Variants in MEOX2 observed in about 807,000 individuals in gnomAD.
MEOX2 encodes the protein mesenchyme homeobox 2, also known as homeobox protein MOX-2.
MEOX2 carries 11 observed loss-of-function variants against 27.0 expected under a neutral mutation model. The observed-to-expected ratio is 0.41, with a 90% CI of 0.26 to 0.68. The LOEUF is 0.68. Ranked by LOEUF, MEOX2 falls within the 30% of genes least tolerant of loss-of-function variation. The pLI is 0.33. For synonymous variants in MEOX2, 189 were observed against 155.4 expected, an observed-to-expected ratio of 1.22 and a Z score of -1.61; for missense variants, 436 against 385.4, an observed-to-expected ratio of 1.13 and a Z score of -1.10.
At chr7:15,630,540 A>G (rs1289537007) in intron 1 of MEOX2, among the ~76,000 whole-genome samples, 1 of 152,068 alleles carries the variant, frequency 6.6e-6, no homozygotes. Flanking sequence ...GTAAAATATC[A>G]AAATGGAATG....
chr7:15,686,470 C>G lies in MEOX2; in HGVS notation c.-68G>C, dbSNP rs1011020620. On this transcript the variant is annotated 5_prime_UTR_variant, in exon 1 of 3. Coordinates refer to ENST00000262041, the MANE Select transcript of MEOX2 (RefSeq NM_005924.5). ...TTCCAAAGGCCACCACCCTCTGTCACTTTTTCACTGGAAACCGTGTGATTT... is the reference window on the plus strand; with the variant it reads ...TTCCAAAGGCCACCACCCTCTGTCAGTTTTTCACTGGAAACCGTGTGATTT... 4.4e-6 allele frequency: 6 copies of G among 1,372,298 alleles called. No homozygotes were observed. In the African/African-American group the frequency reaches 7.6e-5, roughly 17 times the overall value. The allele number at this position is 1,372,298 out of a possible 1,614,324, so 85.0% of individuals were successfully genotyped here. A position where few individuals can be genotyped will look rare whatever the true frequency, so the allele number is the denominator to read the frequency against.
chr7:15,680,462 A>G (rs1232360400), intron 1 of MEOX2: 1 of 152,012 alleles, frequency 6.6e-6, no homozygotes, highest in African/African-American at 2.4e-5. Flanking sequence ...TTACTACATT[A>G]AAACACATAA....
chr7:15,662,976 C>A (rs562090393), intron 1 of MEOX2, among the ~76,000 whole-genome samples: 1 of 152,074 alleles, frequency 6.6e-6, no homozygotes, highest in Non-Finnish European at 1.5e-5. Context: ...AATTAAGAGG[C>A]CTCCATACCA....
At chr7:15,667,178 C>A in intron 1 of MEOX2, among the ~76,000 whole-genome samples, 1 of 148,010 alleles carries the variant, frequency 6.8e-6, no homozygotes, top group East Asian at 2.1e-4. Context: ...GTTGTCCCAG[C>A]TACTTGGGAA....
At chr7:15,656,447 T>TC in intron 1 of MEOX2, among the ~76,000 whole-genome samples, 1 of 151,868 alleles carries the variant, frequency 6.6e-6, no homozygotes, top group East Asian at 1.9e-4. Context: ...CTTTTTTTTT[T>TC]TCCTGCCATT....
intron 1 of MEOX2, chr7:15,680,114 T>C (rs1782268713): frequency 6.6e-6 from 1 of 151,922 alleles, no homozygotes; most frequent in Non-Finnish European, 1.5e-5. Context: ...AACCCACTCA[T>C]GACCCATGAA....
chr7:15,616,554 A>G (rs1781126086), intron 2 of MEOX2, among the ~76,000 whole-genome samples: 2 of 151,908 alleles, frequency 1.3e-5, no homozygotes, highest in African/African-American at 4.8e-5. Context: ...ATTTAGTATC[A>G]CTTTATTAAC....
chr7:15,655,376 A>T (rs1781801830), intron 1 of MEOX2, among the ~76,000 whole-genome samples: 1 of 151,498 alleles, frequency 6.6e-6, no homozygotes, highest in Non-Finnish European at 1.5e-5. Flanking sequence ...TATTTTCAAC[A>T]TCATTGATTT....
intron 1 of MEOX2, among the ~76,000 whole-genome samples, chr7:15,684,844 T>C (rs1782351416): frequency 6.6e-6 from 1 of 152,262 alleles, no homozygotes; most frequent in African/African-American, 2.4e-5. Context: ...TTTTAAAGTA[T>C]CTTTTAACAA....
Position 15,686,309 on chromosome 7 carries a change from T to C in MEOX2, c.94A>G (p.Arg32Gly). 6.2e-7 allele frequency: 1 copy of C among 1,609,966 alleles called. No individual in the cohort carries two copies. Among genetic ancestry groups the C allele is most frequent in the Non-Finnish European group, 8.5e-7 (1 of 1,177,882 alleles). The change falls in exon 1 of 3, where the codon AGA becomes GGA. Residue 32 changes from arginine (R) to glycine (G), a missense_variant. Arg to Gly is a moderately radical substitution (Grantham distance 125). Transcript: ENST00000262041. Reference protein sequence around the residue: ...FSQSSLALHGRSDHMSYPELS... With the variant: ...FSQSSLALHGGSDHMSYPELS... ...TCGGGGTAAGACATATGGTCAGATC[T>C]TCCATGGAGGGCGAGAGAGGATTGG...
rs531107913 is a variant in MEOX2, at chr7:15,631,842, C to G, written c.518-4924G>C. On this transcript the variant is annotated intron_variant, in intron 1 of 2. Coordinates refer to ENST00000262041, the MANE Select transcript of MEOX2 (RefSeq NM_005924.5). ...AGAGAATTTTAATTTTTGGAAATAT[C>G]ATAAATTTATCACAGGCTATAAAAT... Among the ~76,000 whole-genome samples the G allele has an allele frequency of 1.2e-3, 175 of 145,258 alleles. 1 individual carries two copies. The highest frequency in any genetic ancestry group is 4.2e-3 in the African/African-American group (166 of 39,704).
intron 1 of MEOX2, chr7:15,677,576 G>T (rs1782218320): frequency 6.6e-6 from 1 of 152,232 alleles, no homozygotes; most frequent in South Asian, 2.1e-4. Flanking sequence ...TATTCGACAT[G>T]AGCTGCAATC....
At chr7:15,672,296 A>G (rs1485276425) in intron 1 of MEOX2, among the ~76,000 whole-genome samples, 2 of 152,316 alleles carry the variant, frequency 1.3e-5, no homozygotes, top group African/African-American at 2.4e-5. Flanking sequence ...CATATTAAAT[A>G]CTATGTTTCT....
rs1781036347 is a variant in MEOX2, at chr7:15,611,841, A to G, written c.*546T>C. 6.4e-6 allele frequency: 1 copy of G among 155,134 alleles called. No homozygotes were observed. 9.6% of individuals were successfully genotyped at this position (155,134 alleles called of 1,614,324 possible). A position where few individuals can be genotyped will look rare whatever the true frequency, so the allele number is the denominator to read the frequency against. ...GACAGGAAAATGACTTAAGGGTAAT[A>G]TATACAGAGTTAAAATACACTTTTT... On this transcript the variant is annotated 3_prime_UTR_variant, in exon 3 of 3. Coordinates refer to ENST00000262041, the MANE Select transcript of MEOX2 (RefSeq NM_005924.5).
At chr7:15,622,151 A>C (rs552708246) in intron 2 of MEOX2, among the ~76,000 whole-genome samples, 1 of 152,274 alleles carries the variant, frequency 6.6e-6, no homozygotes, top group African/African-American at 2.4e-5. Context: ...CAATCTTATT[A>C]TATAATTTAA....
At chr7:15,618,471 A>G (rs1781159635) in intron 2 of MEOX2, among the ~76,000 whole-genome samples, 1 of 152,008 alleles carries the variant, frequency 6.6e-6, no homozygotes, top group Non-Finnish European at 1.5e-5. Context: ...AACTAGAATG[A>G]TGGTCTTTGA....
chr7:15,631,306 T>C (rs913103178), intron 1 of MEOX2, among the ~76,000 whole-genome samples: 3 of 151,932 alleles, frequency 2.0e-5, no homozygotes, highest in African/African-American at 7.2e-5. Flanking sequence ...CTATCTGTCC[T>C]CTCTGCTCAA....
Position 15,620,078 on chromosome 7 carries a change from G to A in MEOX2, c.690+6668C>T, listed in dbSNP as rs531593437. 3.3e-5 allele frequency among the ~76,000 whole-genome samples: 5 copies of A among 151,980 alleles called. No homozygotes were observed. The East Asian group carries it at 7.7e-4, about 24-fold the overall frequency. On this transcript the variant is annotated intron_variant, in intron 2 of 2. Coordinates refer to ENST00000262041, the MANE Select transcript of MEOX2 (RefSeq NM_005924.5). ...TTTATTTAAATAAAAGCATTATCAG[G>A]AATGTCTCTTTATATTTAATATTAA...
chr7:15,661,448 G>C (rs1251341257), intron 1 of MEOX2, among the ~76,000 whole-genome samples: 1 of 151,900 alleles, frequency 6.6e-6, no homozygotes. Context: ...ATAAACTATG[G>C]GGCCTGAATT....
Sources: allele counts gnomAD v4.1 joint callset (sites outside exome capture counted in the v4.1 genomes callset), GRCh38; gene constraint gnomAD v4.1.1; transcripts MANE v1.5; gene names NCBI Gene and HGNC (gene_info 2026-07-23, HGNC 2026-07-21).